The following DPP6 variants were observed in gnomAD, a reference collection of about 807,000 sequenced individuals.
The protein encoded by DPP6 is A-type potassium channel modulatory protein DPP6.
A neutral mutation model predicts 122.6 loss-of-function variants in DPP6; 69 were observed. The ratio of observed to expected loss-of-function variants is 0.56; its 90% CI spans 0.46 to 0.69. The LOEUF (loss-of-function observed/expected upper bound fraction) is 0.69. DPP6 is among the 30% of genes least tolerant of loss of function. The probability of loss-of-function intolerance (pLI) is 0.00; values close to 1 mark genes in which losing one functional copy is unlikely to be tolerated. For missense variants in DPP6, 928 were observed against 1,116.9 expected (o/e 0.83, Z 2.41); for synonymous variants, 418 against 433.1 (o/e 0.97, Z 0.43).
At chr7:154,044,517 A>G (rs529447793) in intron 1 of DPP6, among the ~76,000 whole-genome samples, 2 of 152,174 alleles carry the variant, frequency 1.3e-5, no homozygotes, top group South Asian at 2.1e-4. Flanking sequence ...TATTGTGTGT[A>G]TATTGATATT....
chr7:154,389,295 A>C (rs1000495626), intron 1 of DPP6, among the ~76,000 whole-genome samples: 1 of 152,294 alleles, frequency 6.6e-6, no homozygotes, highest in South Asian at 2.1e-4. Flanking sequence ...TAAGATAAGG[A>C]AGTTTAATGG....
At chr7:154,803,197 G>A (rs1798483979) in intron 13 of DPP6, among the ~76,000 whole-genome samples, 1 of 152,176 alleles carries the variant, frequency 6.6e-6, no homozygotes. Flanking sequence ...ACCTCCCAGG[G>A]CATCTGCCTT....
At chr7:154,244,415 A>G (rs1027935281) in intron 1 of DPP6, among the ~76,000 whole-genome samples, 1 of 152,208 alleles carries the variant, frequency 6.6e-6, no homozygotes, top group Admixed American at 6.5e-5. Context: ...AGGAAAGAAA[A>G]TGAAACCAGA....
the DPP6 span, among the ~76,000 whole-genome samples, chr7:153,750,334 A>G: frequency 1.3e-5 from 2 of 150,632 alleles, no homozygotes; most frequent in South Asian, 4.2e-4. Context: ...CTTAATATCT[A>G]CAGGAAATGT....
chr7:154,768,619 G>C (rs1442784052), intron 8 of DPP6, among the ~76,000 whole-genome samples: 1 of 152,000 alleles, frequency 6.6e-6, no homozygotes, highest in Non-Finnish European at 1.5e-5. Flanking sequence ...CCAACGTGTT[G>C]AAAAAAACGC....
chr7:154,848,528 G>A (rs1328267444), intron 16 of DPP6, among the ~76,000 whole-genome samples: 2 of 152,130 alleles, frequency 1.3e-5, no homozygotes. Flanking sequence ...TCTTGCTATT[G>A]AGTAGTTTGA....
chr7:154,521,683 T>G (rs1201844148), intron 3 of DPP6, among the ~76,000 whole-genome samples: 1 of 152,218 alleles, frequency 6.6e-6, no homozygotes, highest in Non-Finnish European at 1.5e-5. Context: ...CTGTGATTAT[T>G]TTTTTGAAAG....
rs1403068126 is a variant in DPP6, at chr7:154,804,945, C to T, written c.1528C>T (p.Arg510Trp). The T allele has an allele frequency of 3.1e-6, 5 of 1,601,566 alleles. No homozygotes were observed. The highest frequency in any genetic ancestry group is 1.7e-5 in the Admixed American group (1 of 58,556). The change falls in exon 15 of 26, where the codon CGG becomes TGG. Residue 510 changes from arginine to tryptophan, a missense_variant. By Grantham distance (101) the Arg-to-Trp change is moderately radical. Coordinates refer to ENST00000377770, the MANE Select transcript of DPP6 (RefSeq NM_130797.4). Reference sequence around the variant, plus strand: ...CTTCCTGAGCACGGAGGACCTGCCTCGGAGACGACAACTCTACAGGTAACT... The same window carrying T: ...CTTCCTGAGCACGGAGGACCTGCCTTGGAGACGACAACTCTACAGGTAACT... ...IYFLSTEDLP[R>W]RRQLYSANTV...
At chr7:154,596,688 A>C (rs1216681363) in intron 5 of DPP6, among the ~76,000 whole-genome samples, 1 of 152,242 alleles carries the variant, frequency 6.6e-6, no homozygotes, top group Non-Finnish European at 1.5e-5. Context: ...GGAGAGGAGC[A>C]TTGAAGAAAT....
At chr7:154,869,831 T>TCCCGCC (rs1052309576) in intron 18 of DPP6, among the ~76,000 whole-genome samples, 1 of 141,484 alleles carries the variant, frequency 7.1e-6, no homozygotes, top group Non-Finnish European at 1.5e-5. Context: ...TCAGATCCGC[T>TCCCGCC]CCCGCCCCCA....
chr7:154,283,134 C>T (rs998886017), intron 1 of DPP6, among the ~76,000 whole-genome samples: 4 of 152,194 alleles, frequency 2.6e-5, no homozygotes, highest in Non-Finnish European at 4.4e-5. Context: ...TACCCGTGGG[C>T]CCCAGTAATG....
At chr7:154,060,298 C>G (rs1444033084) in intron 1 of DPP6, among the ~76,000 whole-genome samples, 1 of 139,138 alleles carries the variant, frequency 7.2e-6, no homozygotes, top group Non-Finnish European at 1.6e-5. Context: ...ATCCCTCTTC[C>G]CCCCCTGGCT....
intron 15 of DPP6, among the ~76,000 whole-genome samples, chr7:154,806,165 C>T (rs1161877783): frequency 6.6e-6 from 1 of 152,234 alleles, no homozygotes; most frequent in Non-Finnish European, 1.5e-5. Flanking sequence ...GAGAGGCTGC[C>T]TGTGGCCCCT....
At chr7:154,338,491 A>G (rs1019109731) in intron 1 of DPP6, among the ~76,000 whole-genome samples, 1 of 152,338 alleles carries the variant, frequency 6.6e-6, no homozygotes, top group Admixed American at 6.5e-5. Context: ...ACAGCATGCA[A>G]ATGACTGAAG....
At chr7:153,768,410 C>T in the DPP6 span, among the ~76,000 whole-genome samples, 17 of 152,098 alleles carry the variant, frequency 1.1e-4, no homozygotes, top group East Asian at 2.3e-3. Context: ...CCTAAGATCA[C>T]GAGGTTCCTT....
At chr7:154,036,640 A>C (rs1799550974) in intron 1 of DPP6, among the ~76,000 whole-genome samples, 1 of 151,830 alleles carries the variant, frequency 6.6e-6, no homozygotes, top group African/African-American at 2.4e-5. Flanking sequence ...TTTTTCTGGA[A>C]GTACGATTGG....
the DPP6 span, among the ~76,000 whole-genome samples, chr7:153,858,914 A>T: frequency 6.6e-6 from 1 of 152,134 alleles, no homozygotes; most frequent in Non-Finnish European, 1.5e-5. Flanking sequence ...GTGTGTGGGG[A>T]TGCAGTAAAG....
chr7:154,761,478 T>C (rs1490026426), intron 8 of DPP6, among the ~76,000 whole-genome samples: 1 of 151,718 alleles, frequency 6.6e-6, no homozygotes, highest in Non-Finnish European at 1.5e-5. Context: ...CGTTCTTGCA[T>C]TGCGATAAAG....
chr7:154,229,771 A>C (rs187422610), intron 1 of DPP6, among the ~76,000 whole-genome samples: 1 of 152,164 alleles, frequency 6.6e-6, no homozygotes, highest in East Asian at 1.9e-4. Context: ...TGTTGCTCTG[A>C]TGGAGGCTTT....
Sources: allele counts gnomAD v4.1 joint callset (sites outside exome capture counted in the v4.1 genomes callset), GRCh38; gene constraint gnomAD v4.1.1; transcripts MANE v1.5; gene names NCBI Gene and HGNC (gene_info 2026-07-23, HGNC 2026-07-21).